Variants in ADAM18 observed in about 807,000 individuals in gnomAD.
ADAM18 encodes disintegrin and metalloproteinase domain-containing protein 18.
ADAM18 carries 117 observed loss-of-function variants against 94.4 expected under a neutral mutation model. The observed-to-expected ratio is 1.24, with a 90% CI of 1.07 to 1.45. The LOEUF (loss-of-function observed/expected upper bound fraction) is 1.45, where lower values mean the gene tolerates loss of function less well. Ranked by LOEUF, ADAM18 falls within the 40% of genes most tolerant of loss-of-function variation. The pLI, the probability that ADAM18 is intolerant of heterozygous loss-of-function variation, is 0.00. For synonymous variants in ADAM18, 327 were observed against 291.6 expected, an observed-to-expected ratio of 1.12 and a Z score of -1.24; for missense variants, 936 against 880.0, an observed-to-expected ratio of 1.06 and a Z score of -0.81.
intron 19 of ADAM18, among the ~76,000 whole-genome samples, chr8:39,724,185 C>T (rs1822837529): frequency 6.6e-6 from 1 of 151,566 alleles, no homozygotes; most frequent in Non-Finnish European, 1.5e-5. Flanking sequence ...ATTTTAAGTG[C>T]CCTTCTAGTT....
intron 11 of ADAM18, 71 bp from the exon 12 acceptor site, chr8:39,648,269 TTATG>T (rs1419268325): frequency 2.5e-6 from 3 of 1,186,358 alleles, no homozygotes; most frequent in Admixed American, 2.8e-5. Flanking sequence ...ATTTACATGA[TTATG>T]TATGGAGTGT....
intron 13 of ADAM18, among the ~76,000 whole-genome samples, chr8:39,664,380 T>G (rs1440371071): frequency 6.6e-6 from 1 of 152,174 alleles, no homozygotes; most frequent in African/African-American, 2.4e-5. Context: ...GTAAGTTATA[T>G]ACAAATGTTA....
intron 18 of ADAM18, among the ~76,000 whole-genome samples, chr8:39,723,143 A>G (rs202001): frequency 0.12 from 18,770 of 150,370 alleles, 1,991 homozygotes; most frequent in East Asian, 0.28. Flanking sequence ...ACTTCTCAGA[A>G]TTGTGTGATA....
intron 2 of ADAM18, among the ~76,000 whole-genome samples, chr8:39,589,673 A>G (rs532141375): frequency 2.6e-5 from 4 of 151,804 alleles, no homozygotes; most frequent in East Asian, 3.9e-4. Flanking sequence ...TTTATTATTA[A>G]TATTTTTATT....
At position 39,706,839 on chromosome 8, in the gene ADAM18, C is replaced by A; in HGVS notation, c.1952C>A (p.Pro651Gln). Residue 651 changes from proline to glutamine, a missense_variant, in exon 18 of 20, where the codon CCA (proline) becomes CAA (glutamine). Transcript: ENST00000265707. ...CAATGCTTCCCTGGACATAGACCTC[C>A]AGATTGTAAATTCCAGTTTGGTTCC... ...NCQCFPGHRP[P>Q]DCKFQFGSPG... The A allele has an allele frequency of 1.2e-6, 2 of 1,610,962 alleles. No homozygotes were observed. The highest frequency in any genetic ancestry group is 1.7e-6 in the Non-Finnish European group (2 of 1,177,884).
intron 12 of ADAM18, among the ~76,000 whole-genome samples, chr8:39,657,278 T>C (rs1180306359): frequency 6.6e-6 from 1 of 152,140 alleles, no homozygotes. Flanking sequence ...TTTCCTTTTA[T>C]TGGTTAGTAG....
intron 14 of ADAM18, among the ~76,000 whole-genome samples, chr8:39,675,923 C>T (rs1311919474): frequency 6.6e-6 from 1 of 152,216 alleles, no homozygotes; most frequent in Non-Finnish European, 1.5e-5. Context: ...GAGGTCCACT[C>T]CAGACCCTGT....
chr8:39,599,190 A>G (rs1213452820), intron 2 of ADAM18, among the ~76,000 whole-genome samples: 1 of 152,222 alleles, frequency 6.6e-6, no homozygotes, highest in Non-Finnish European at 1.5e-5. Flanking sequence ...TGATGATTAC[A>G]TGAATTGATT....
At chr8:39,700,916 C>T (rs1822051771) in intron 17 of ADAM18, among the ~76,000 whole-genome samples, 1 of 150,806 alleles carries the variant, frequency 6.6e-6, no homozygotes, top group African/African-American at 2.4e-5. Context: ...AGATCGAGAC[C>T]ATCCTGGCTA....
At chr8:39,612,947 ATGG>A (rs1230082912) in intron 6 of ADAM18, among the ~76,000 whole-genome samples, 2 of 152,098 alleles carry the variant, frequency 1.3e-5, no homozygotes, top group Non-Finnish European at 2.9e-5. Context: ...GTATGTGTGC[ATGG>A]ACCTTGCTGT....
chr8:39,586,804 ATC>A (rs1818416834), intron 2 of ADAM18, among the ~76,000 whole-genome samples: 1 of 106,004 alleles, frequency 9.4e-6, no homozygotes, highest in South Asian at 2.9e-4. Flanking sequence ...ATCTATCTAT[ATC>A]TATCTATCTA....
At chr8:39,664,380 T>C (rs1440371071) in intron 13 of ADAM18, among the ~76,000 whole-genome samples, 1 of 152,174 alleles carries the variant, frequency 6.6e-6, no homozygotes, top group Non-Finnish European at 1.5e-5. Flanking sequence ...GTAAGTTATA[T>C]ACAAATGTTA....
chr8:39,641,932 G>A (rs757174956), intron 10 of ADAM18, among the ~76,000 whole-genome samples: 6 of 152,106 alleles, frequency 3.9e-5, no homozygotes, highest in South Asian at 4.2e-4. Flanking sequence ...GTTATTTTTT[G>A]ACTTTTTAGT....
intron 18 of ADAM18, among the ~76,000 whole-genome samples, chr8:39,714,659 C>A (rs1015564692): frequency 1.3e-5 from 2 of 151,922 alleles, no homozygotes; most frequent in African/African-American, 4.8e-5. Flanking sequence ...TAGAAAAATC[C>A]TCTATAAGAG....
At chr8:39,691,949 G>A (rs1821794692) in intron 16 of ADAM18, among the ~76,000 whole-genome samples, 2 of 151,802 alleles carry the variant, frequency 1.3e-5, no homozygotes, top group South Asian at 4.1e-4. Flanking sequence ...GTTTAGTATT[G>A]TTATGTTGTG....
chr8:39,618,187 T>G (rs1819502527), intron 6 of ADAM18, among the ~76,000 whole-genome samples: 1 of 152,224 alleles, frequency 6.6e-6, no homozygotes, highest in Non-Finnish European at 1.5e-5. Flanking sequence ...GCTCTCTCTT[T>G]GTTCCCAGGT....
chr8:39,609,789 A>G (rs1819209962), intron 5 of ADAM18, among the ~76,000 whole-genome samples: 1 of 152,192 alleles, frequency 6.6e-6, no homozygotes, highest in South Asian at 2.1e-4. Context: ...AGTTTCATGG[A>G]AGAAAACTTT....
chr8:39,645,265 G>A (rs1820346615), intron 10 of ADAM18, 73 bp from the exon 11 acceptor site: 2 of 1,274,882 alleles, frequency 1.6e-6, no homozygotes, highest in Admixed American at 4.3e-5. Context: ...AATATGATAG[G>A]AGTAAAAATA....
intron 2 of ADAM18, among the ~76,000 whole-genome samples, chr8:39,597,056 T>C (rs1818764693): frequency 1.3e-5 from 2 of 152,158 alleles, no homozygotes; most frequent in African/African-American, 2.4e-5. Flanking sequence ...TTGACATATG[T>C]CTTATTTGCT....
Sources: gnomAD v4.1 joint callset for allele counts (sites outside exome capture counted in the v4.1 genomes callset) on GRCh38, gnomAD v4.1.1 for gene constraint, MANE v1.5 for transcripts, NCBI Gene and HGNC (gene_info 2026-07-23, HGNC 2026-07-21) for gene names.